The following SORCS1 variants were observed in gnomAD, a reference collection of about 807,000 sequenced individuals.
SORCS1 encodes the protein VPS10 domain-containing receptor SorCS1.
Under a neutral mutation model 146.1 loss-of-function variants are expected in SORCS1, and 60 were observed. That is an observed-to-expected ratio of 0.41 (90% CI 0.33 to 0.51). The LOEUF (loss-of-function observed/expected upper bound fraction) is 0.51. SORCS1 is among the 20% of genes least tolerant of loss of function. The pLI is 0.21. For synonymous variants in SORCS1, 637 were observed against 584.0 expected (o/e 1.09, Z -1.31); for missense variants, 1,352 against 1,487.6 (o/e 0.91, Z 1.50).
chr10:106,646,840 G>T (rs934374809), intron 18 of SORCS1, among the ~76,000 whole-genome samples: 14 of 151,726 alleles, frequency 9.2e-5, no homozygotes, highest in Non-Finnish European at 1.8e-4. Flanking sequence ...GTATTGAAAA[G>T]ATTATAATTT....
intron 1 of SORCS1, among the ~76,000 whole-genome samples, chr10:107,006,654 AAAAATAC>A (rs1957455357): frequency 6.6e-6 from 1 of 152,146 alleles, no homozygotes; most frequent in East Asian, 1.9e-4. Flanking sequence ...CATCTCTACT[AAAAATAC>A]AAAAAATTAG....
intron 1 of SORCS1, among the ~76,000 whole-genome samples, chr10:107,027,793 A>T (rs1234868950): frequency 6.6e-6 from 1 of 152,128 alleles, no homozygotes; most frequent in African/African-American, 2.4e-5. Context: ...ACAAACCATT[A>T]TCTCTGTGGC....
intron 2 of SORCS1, among the ~76,000 whole-genome samples, chr10:106,944,754 A>G (rs913730180): frequency 6.6e-6 from 1 of 151,782 alleles, no homozygotes; most frequent in African/African-American, 2.4e-5. Flanking sequence ...GCGAGTTTAT[A>G]TTTTAATGGT....
chr10:107,103,553 G>A lies in SORCS1; in HGVS notation c.558+60416C>T, dbSNP rs137951037. 1.1e-3 allele frequency among the ~76,000 whole-genome samples: 168 copies of A among 152,316 alleles called. 2 individuals are homozygous for A. Among genetic ancestry groups the A allele is most frequent in the African/African-American group, 4.0e-3 (167 of 41,556 alleles). ...TTCCTACTTTTAAATACTGTAGAGTGCCTAAGGCTTGAAAACTACACATTT... is the reference window on the plus strand; with the variant it reads ...TTCCTACTTTTAAATACTGTAGAGTACCTAAGGCTTGAAAACTACACATTT... On this transcript the variant is annotated intron_variant, in intron 1 of 25. Coordinates refer to ENST00000263054, the MANE Select transcript of SORCS1 (RefSeq NM_052918.5).
chr10:107,041,988 T>C (rs1959168706), intron 1 of SORCS1, among the ~76,000 whole-genome samples: 1 of 152,182 alleles, frequency 6.6e-6, no homozygotes, highest in Non-Finnish European at 1.5e-5. Context: ...CAAAACTGAG[T>C]CCATAATAAA....
Position 106,925,343 on chromosome 10 carries a change from G to C in SORCS1, c.626+31170C>G, listed in dbSNP as rs955262078. ...CATGATTAGTGCTGCACAAGGTATA[G>C]CATTCACTCCATGCTTCTGGATTCC... On this transcript the variant is annotated intron_variant, in intron 2 of 25. Transcript: ENST00000263054. Among the ~76,000 whole-genome samples the C allele has an allele frequency of 9.9e-5, 15 of 152,272 alleles. No homozygotes were observed. In the East Asian group the frequency reaches 2.9e-3, roughly 29 times the overall value.
Position 106,740,237 on chromosome 10 carries a change from A to C in SORCS1, c.960-10123T>G, listed in dbSNP as rs536789418. 1.6e-4 allele frequency among the ~76,000 whole-genome samples: 25 copies of C among 152,284 alleles called. No homozygotes were observed. In the South Asian group the frequency reaches 5.0e-3, roughly 30 times the overall value. On this transcript the variant is annotated intron_variant, in intron 5 of 25. Transcript: ENST00000263054. Reference sequence around the variant, plus strand: ...AATAATCAGAAAGTATCTTCTTCCCACACCTCAGTGAATCACCAATTACCC... The same window carrying C: ...AATAATCAGAAAGTATCTTCTTCCCCCACCTCAGTGAATCACCAATTACCC...
At chr10:106,681,657 C>G (rs1308178035) in intron 10 of SORCS1, among the ~76,000 whole-genome samples, 4 of 152,112 alleles carry the variant, frequency 2.6e-5, no homozygotes. Flanking sequence ...CGGATTATCC[C>G]TAGACATATG....
At chr10:107,019,016 A>C (rs75512461) in intron 1 of SORCS1, among the ~76,000 whole-genome samples, 4,776 of 152,262 alleles carry the variant, frequency 0.031, 205 homozygotes, top group African/African-American at 0.099. Flanking sequence ...TCACTTTAAC[A>C]ATCTGAGCCT....
chr10:106,705,491 G>A (rs899532050), intron 8 of SORCS1, among the ~76,000 whole-genome samples: 1 of 152,026 alleles, frequency 6.6e-6, no homozygotes, highest in South Asian at 2.1e-4. Flanking sequence ...GACAACATAC[G>A]ACAAAGTGAT....
intron 6 of SORCS1, among the ~76,000 whole-genome samples, chr10:106,726,207 T>TTA (rs1322255001): frequency 1.9e-4 from 28 of 145,714 alleles, no homozygotes; most frequent in African/African-American, 6.6e-4. Flanking sequence ...TTTTTTTTTT[T>TTA]ACACTGTGAC....
At chr10:107,015,282 G>T (rs1044067229) in intron 1 of SORCS1, among the ~76,000 whole-genome samples, 3 of 152,062 alleles carry the variant, frequency 2.0e-5, no homozygotes, top group African/African-American at 7.2e-5. Flanking sequence ...AAAATAGATG[G>T]GCCTTACTCA....
chr10:106,915,362 C>T (rs748450925), intron 2 of SORCS1, among the ~76,000 whole-genome samples: 7 of 152,128 alleles, frequency 4.6e-5, no homozygotes, highest in Admixed American at 3.9e-4. Flanking sequence ...ACCAATAAAA[C>T]CTTAGCTTAT....
chr10:106,885,799 C>T (rs1444307055), intron 2 of SORCS1, among the ~76,000 whole-genome samples: 1 of 152,142 alleles, frequency 6.6e-6, no homozygotes, highest in Non-Finnish European at 1.5e-5. Flanking sequence ...TTCCCCCATA[C>T]TGCTCTCATG....
intron 14 of SORCS1, among the ~76,000 whole-genome samples, chr10:106,674,150 A>AC (rs1851825631): frequency 2.6e-5 from 1 of 38,064 alleles, no homozygotes; most frequent in Non-Finnish European, 9.4e-5. Flanking sequence ...CTCTGTCTCT[A>AC]CTAAAAAAAA....
intron 2 of SORCS1, among the ~76,000 whole-genome samples, chr10:106,848,785 T>G (rs1470429056): frequency 3.5e-4 from 50 of 141,988 alleles, no homozygotes; most frequent in African/African-American, 1.3e-3. Flanking sequence ...GGCCTGGTGG[T>G]GACAAAATCT....
intron 3 of SORCS1, among the ~76,000 whole-genome samples, chr10:106,791,560 G>A (rs555294178): frequency 6.6e-6 from 1 of 152,230 alleles, no homozygotes; most frequent in East Asian, 1.9e-4. Flanking sequence ...TTAGTTGGGC[G>A]TGGTGGTGCA....
intron 2 of SORCS1, among the ~76,000 whole-genome samples, chr10:106,868,853 A>C (rs999973968): frequency 6.6e-6 from 1 of 152,208 alleles, no homozygotes; most frequent in Admixed American, 6.5e-5. Context: ...AGCTGAACTA[A>C]AGAAAATCAC....
At position 107,164,580 on chromosome 10, in the gene SORCS1, G is replaced by C. The variant is rs1969973805; in HGVS notation, c.-54C>G. ...GGTCCCAGAACGAAGGTGGCGGCAC[G>C]AGCTCTGCGCTGGCGGCTGTGGGGG... is the stretch of plus-strand genomic sequence containing the variant. On this transcript the variant is annotated 5_prime_UTR_variant, in exon 1 of 26. Transcript: ENST00000263054. The surrounding 1 kb of genome is among the most constrained non-coding windows in gnomAD (Gnocchi z 6.8). 1 of 1,298,968 alleles carries C rather than the reference G, an allele frequency of 7.7e-7. No homozygotes were observed. Among genetic ancestry groups the C allele is most frequent in the Non-Finnish European group, 9.8e-7 (1 of 1,021,428 alleles). 80.5% of individuals were successfully genotyped at this position (1,298,968 alleles called of 1,614,324 possible).
Sources: allele counts gnomAD v4.1 joint callset (sites outside exome capture counted in the v4.1 genomes callset), GRCh38; gene constraint gnomAD v4.1.1; non-coding constraint Gnocchi (gnomAD v3.1); transcripts MANE v1.5; gene names NCBI Gene and HGNC (gene_info 2026-07-23, HGNC 2026-07-21).